The following ZNF365 variants were observed in gnomAD, a reference collection of about 807,000 sequenced individuals.
The protein encoded by ZNF365 is zinc finger protein 365.
A neutral mutation model predicts 35.0 loss-of-function variants in ZNF365; 22 were observed. That is an observed-to-expected ratio of 0.63 (90% confidence interval 0.45 to 0.90). The LOEUF (loss-of-function observed/expected upper bound fraction) is 0.90, where lower values mean the gene tolerates loss of function less well. ZNF365 is among the 40% of genes least tolerant of loss of function. ZNF365 has a pLI of 0.00. For synonymous variants in ZNF365, 188 were observed against 196.2 expected (o/e 0.96, Z 0.35); for missense variants, 448 against 500.3 (o/e 0.90, Z 1.00).
chr10:62,424,764 C>A (rs3999111), intron 3 of ZNF365, among the ~76,000 whole-genome samples: 71,415 of 152,072 alleles, frequency 0.47, 20,256 homozygotes, highest in East Asian at 0.68. Flanking sequence ...CCTACAGTGC[C>A]CCAGTTGGGG....
intron 3 of ZNF365, among the ~76,000 whole-genome samples, chr10:62,420,973 G>GTT (rs34084544): frequency 8.1e-4 from 113 of 140,324 alleles, no homozygotes; most frequent in African/African-American, 2.3e-3. Context: ...TGTAGAGATG[G>GTT]TTTTTTTTTT....
At chr10:62,418,271 G>A (rs1350917147) in intron 3 of ZNF365, among the ~76,000 whole-genome samples, 1 of 151,942 alleles carries the variant, frequency 6.6e-6, no homozygotes, top group Non-Finnish European at 1.5e-5. Context: ...ATGGTTTGGA[G>A]TTCACAAAAA....
intron 2 of ZNF365, 46 bp from the exon 3 acceptor site, chr10:62,388,350 C>G (rs1839558157): frequency 1.9e-5 from 31 of 1,610,424 alleles, no homozygotes; most frequent in Non-Finnish European, 2.5e-5. Context: ...GAGTGAATTC[C>G]TTGCCTTATA....
intron 4 of ZNF365, among the ~76,000 whole-genome samples, chr10:62,474,160 T>G (rs1280932724): frequency 1.3e-5 from 2 of 152,182 alleles, no homozygotes; most frequent in Non-Finnish European, 2.9e-5. Flanking sequence ...AGACCACATG[T>G]CCATGCTTAA....
intron 3 of ZNF365, among the ~76,000 whole-genome samples, chr10:62,394,888 G>C (rs1839696351): frequency 7.0e-6 from 1 of 142,000 alleles, no homozygotes; most frequent in Non-Finnish European, 1.6e-5. Flanking sequence ...GTGGTTATAA[G>C]AAGGGAGATG....
chr10:62,395,393 A>G (rs1035507076), intron 3 of ZNF365, among the ~76,000 whole-genome samples: 2 of 150,600 alleles, frequency 1.3e-5, no homozygotes, highest in African/African-American at 4.9e-5. Context: ...GCTGGAGTGC[A>G]ATGGCATGAT....
chr10:62,431,761 A>T (rs7907542), intron 3 of ZNF365, among the ~76,000 whole-genome samples: 1 of 151,992 alleles, frequency 6.6e-6, no homozygotes, highest in Non-Finnish European at 1.5e-5. Context: ...ATTTTAAGAA[A>T]GATTTTCCTA....
chr10:62,377,986 A>G (rs1044961587), intron 2 of ZNF365, among the ~76,000 whole-genome samples: 17 of 152,230 alleles, frequency 1.1e-4, no homozygotes, highest in Admixed American at 1.1e-3. Flanking sequence ...GATTAAAGAG[A>G]TCATTACTTG....
Position 62,401,434 on chromosome 10 carries a change from G to GA in ZNF365, c.*1647dup. The GA allele has an allele frequency of 1.0e-6, 1 of 985,350 alleles. No homozygotes were observed. Among genetic ancestry groups the GA allele is most frequent in the African/African-American group, 1.7e-5 (1 of 57,300 alleles). The allele number at this position is 985,350 out of a possible 1,614,324, so 61.0% of individuals were successfully genotyped here. A position where few individuals can be genotyped will look rare whatever the true frequency, so the allele number is the denominator to read the frequency against. On this transcript the variant is annotated 3_prime_UTR_variant, in exon 5 of 5. Transcript: ENST00000395254. ...TAACTTATCATTATACAAACATTCT[G>GA]AACCTACCATAATGAAAATGTTCTT...
chr10:62,480,265 T>TA (rs1841201642), exon 5 of ZNF365: 1 of 1,002,206 alleles, frequency 1.0e-6, no homozygotes, highest in Non-Finnish European at 1.2e-6. Context: ...AGTTGTTAAA[T>TA]AAAAAATAGT....
At chr10:62,450,492 A>G (rs948004479) in intron 3 of ZNF365, among the ~76,000 whole-genome samples, 1 of 152,180 alleles carries the variant, frequency 6.6e-6, no homozygotes, top group Non-Finnish European at 1.5e-5. Flanking sequence ...TAATTTTTGA[A>G]CAAGGAGCCC....
At chr10:62,399,396 C>A in intron 4 of ZNF365, 132 bp from the exon 5 acceptor site, 3 of 1,331,298 alleles carry the variant, frequency 2.3e-6, no homozygotes, top group Non-Finnish European at 3.0e-6. Context: ...TTATGATTTG[C>A]CTTTGTGGTA....
intron 4 of ZNF365, among the ~76,000 whole-genome samples, chr10:62,475,223 G>A (rs1187036426): frequency 6.6e-6 from 1 of 152,160 alleles, no homozygotes; most frequent in Non-Finnish European, 1.5e-5. Flanking sequence ...AAATGGGACT[G>A]GGGAACAGAA....
intron 1 of ZNF365, among the ~76,000 whole-genome samples, chr10:62,375,252 TAA>T (rs1839300979): frequency 6.6e-6 from 1 of 152,164 alleles, no homozygotes; most frequent in Admixed American, 6.5e-5. Flanking sequence ...TTCCTGTTAT[TAA>T]GAGAGTATGC....
At chr10:62,409,594 T>G (rs1839956356) in intron 3 of ZNF365, among the ~76,000 whole-genome samples, 1 of 152,104 alleles carries the variant, frequency 6.6e-6, no homozygotes, top group Non-Finnish European at 1.5e-5. Flanking sequence ...GGTTTTTTTG[T>G]ATTCTTAGCC....
rs536618347 is a variant in ZNF365 at position 62,452,958 on chromosome 10, G to GT, written c.925-6782dup. Among the ~76,000 whole-genome samples the GT allele has an allele frequency of 2.2e-3, 329 of 152,258 alleles. 2 individuals carry two copies. Among genetic ancestry groups the GT allele is most frequent in the Non-Finnish European group, 3.8e-3 (259 of 68,026 alleles). On this transcript the variant is annotated intron_variant, in intron 3 of 4. Transcript: ENST00000395255. ...GTGGAAAGGTTTGTAAAATGTAAGT[G>GT]TATCTTCCTGGCTTAGGGAGATTTA...
chr10:62,413,483 G>A (rs148241626), intron 3 of ZNF365, among the ~76,000 whole-genome samples: 3 of 152,156 alleles, frequency 2.0e-5, no homozygotes, highest in East Asian at 1.9e-4. Flanking sequence ...TATAGTAAAC[G>A]CTTCAAAAAT....
At chr10:62,414,834 C>G (rs766269299) in intron 3 of ZNF365, among the ~76,000 whole-genome samples, 3 of 152,110 alleles carry the variant, frequency 2.0e-5, no homozygotes, top group Non-Finnish European at 1.5e-5. Flanking sequence ...TATATGTATG[C>G]TATGCCTTTT....
At chr10:62,405,805 A>T (rs1839896715), downstream of ZNF365, among the ~76,000 whole-genome samples, 8 of 152,362 alleles carry the variant, frequency 5.3e-5, no homozygotes, top group South Asian at 1.7e-3. Flanking sequence ...TTGGTTGAGT[A>T]TATCATACAG....
Sources: allele counts gnomAD v4.1 joint callset (sites outside exome capture counted in the v4.1 genomes callset), GRCh38; gene constraint gnomAD v4.1.1; transcripts MANE v1.5; gene names NCBI Gene and HGNC (gene_info 2026-07-23, HGNC 2026-07-21).